The following DNER variants were observed in gnomAD, a reference collection of about 807,000 sequenced individuals.
DNER encodes the protein delta/notch like EGF repeat containing.
Under a neutral mutation model 78.2 loss-of-function variants are expected in DNER, and 33 were observed. That is an observed-to-expected ratio of 0.42 (90% confidence interval 0.32 to 0.56). The LOEUF is 0.56. DNER is among the 20% of genes least tolerant of loss of function. The pLI, the probability that DNER is intolerant of heterozygous loss-of-function variation, is 0.11. For missense variants in DNER, 918 were observed against 975.3 expected, an observed-to-expected ratio of 0.94 and a Z score of 0.78; for synonymous variants, 417 against 384.8, an observed-to-expected ratio of 1.08 and a Z score of -0.98.
chr2:229,517,786 G>T (rs1483866782), intron 5 of DNER, among the ~76,000 whole-genome samples: 1 of 152,172 alleles, frequency 6.6e-6, no homozygotes, highest in Non-Finnish European at 1.5e-5. Flanking sequence ...TAGAGTTCAA[G>T]GATGCTGCTA....
At chr2:229,639,198 T>C (rs1021043476) in intron 1 of DNER, among the ~76,000 whole-genome samples, 4 of 152,114 alleles carry the variant, frequency 2.6e-5, no homozygotes, top group Non-Finnish European at 2.9e-5. Context: ...AATGAGAAAA[T>C]AGGGTTTTTT....
chr2:229,520,607 T>C lies in DNER; in HGVS notation c.994-7671A>G, dbSNP rs148783330. On this transcript the variant is annotated intron_variant, in intron 5 of 12. Transcript: ENST00000341772. ...TATATATGTTTGAGATTTTCCATAA[T>C]AAAACAAACATTTTTTTTTAATTTT... is the stretch of plus-strand genomic sequence containing the variant. Among the ~76,000 whole-genome samples, 30 of 152,316 alleles carry C rather than the reference T, an allele frequency of 2.0e-4. No individual in the cohort carries two copies. The East Asian group carries it at 5.0e-3, about 25-fold the overall frequency.
At chr2:229,686,005 G>T (rs1699476182) in intron 1 of DNER, among the ~76,000 whole-genome samples, 1 of 152,116 alleles carries the variant, frequency 6.6e-6, no homozygotes, top group Non-Finnish European at 1.5e-5. Context: ...GACAGGATGT[G>T]CAAAGGGCCT....
chr2:229,676,367 C>T (rs182659336), intron 1 of DNER, among the ~76,000 whole-genome samples: 1 of 152,194 alleles, frequency 6.6e-6, no homozygotes, highest in African/African-American at 2.4e-5. Flanking sequence ...AGCATACTCA[C>T]CTGCTCCAAA....
chr2:229,611,958 T>C (rs1430016141), intron 1 of DNER, among the ~76,000 whole-genome samples: 1 of 152,244 alleles, frequency 6.6e-6, no homozygotes, highest in Non-Finnish European at 1.5e-5. Flanking sequence ...TTTGCATTGG[T>C]AGCCTGTCAC....
chr2:229,694,571 T>C (rs1407171737), intron 1 of DNER, among the ~76,000 whole-genome samples: 1 of 152,254 alleles, frequency 6.6e-6, no homozygotes, highest in African/African-American at 2.4e-5. Flanking sequence ...GACCTGGATG[T>C]GAGACCTGGA....
intron 1 of DNER, among the ~76,000 whole-genome samples, chr2:229,629,901 G>A (rs1460871228): frequency 6.6e-6 from 1 of 152,158 alleles, no homozygotes; most frequent in Non-Finnish European, 1.5e-5. Context: ...CAGAAAGGGT[G>A]ACCAAGAAGC....
chr2:229,416,065 G>T (rs2106348140), intron 9 of DNER, among the ~76,000 whole-genome samples: 1 of 152,212 alleles, frequency 6.6e-6, no homozygotes, highest in South Asian at 2.1e-4. Context: ...CTCCTTCTAG[G>T]AGTTAGTTAA....
chr2:229,526,057 TA>T (rs942986386), intron 5 of DNER, among the ~76,000 whole-genome samples: 18 of 152,188 alleles, frequency 1.2e-4, no homozygotes, highest in African/African-American at 4.1e-4. Context: ...TTCTCCAGAT[TA>T]ATTAGAAAAA....
chr2:229,658,780 C>T (rs750547750), intron 1 of DNER, among the ~76,000 whole-genome samples: 1 of 152,110 alleles, frequency 6.6e-6, no homozygotes, highest in Non-Finnish European at 1.5e-5. Flanking sequence ...TAGATTTCGA[C>T]ATGATTTTAA....
chr2:229,632,809 T>C (rs1274308310), intron 1 of DNER, among the ~76,000 whole-genome samples: 1 of 152,076 alleles, frequency 6.6e-6, no homozygotes, highest in African/African-American at 2.4e-5. Flanking sequence ...TAAGAAAATA[T>C]TAGGCCCAAA....
intron 1 of DNER, among the ~76,000 whole-genome samples, chr2:229,630,530 C>T (rs1698417580): frequency 6.8e-6 from 1 of 146,948 alleles, no homozygotes; most frequent in Admixed American, 6.8e-5. Context: ...ATAAAATCTT[C>T]TGGCAGATGT....
chr2:229,702,080 TGGAACCCA>T (rs1430526942), intron 1 of DNER: 1 of 173,894 alleles, frequency 5.8e-6, no homozygotes, highest in Non-Finnish European at 1.3e-5. Context: ...TGCTTAACCA[TGGAACCCA>T]GGAAAAACTG....
chr2:229,575,818 TG>T (rs1188879532), intron 4 of DNER, among the ~76,000 whole-genome samples: 1 of 152,220 alleles, frequency 6.6e-6, no homozygotes, highest in Non-Finnish European at 1.5e-5. Context: ...AAATAGGGCA[TG>T]GAGTTCAGGC....
chr2:229,575,312 T>C (rs1425408655), intron 4 of DNER, among the ~76,000 whole-genome samples: 2 of 152,194 alleles, frequency 1.3e-5, no homozygotes, highest in Admixed American at 6.5e-5. Context: ...AATTGTAGAA[T>C]ATCTGCAACT....
intron 1 of DNER, among the ~76,000 whole-genome samples, chr2:229,634,701 C>A (rs934846185): frequency 3.3e-5 from 5 of 152,138 alleles, no homozygotes; most frequent in African/African-American, 1.2e-4. Flanking sequence ...GGGAATTGCC[C>A]GTCTTTTCTG....
At chr2:229,416,294 T>G (rs1693650643) in intron 9 of DNER, among the ~76,000 whole-genome samples, 1 of 152,232 alleles carries the variant, frequency 6.6e-6, no homozygotes, top group Non-Finnish European at 1.5e-5. Flanking sequence ...TCTTGAGTGT[T>G]TAGAGCTGTT....
At chr2:229,500,864 C>T (rs148172899) in intron 6 of DNER, among the ~76,000 whole-genome samples, 1 of 152,254 alleles carries the variant, frequency 6.6e-6, no homozygotes, top group East Asian at 1.9e-4. Flanking sequence ...GCCCTTTCCA[C>T]CGAGTCCCCA....
intron 2 of DNER, 106 bp from the exon 3 acceptor site, chr2:229,588,594 T>C: frequency 4.4e-6 from 4 of 903,236 alleles, no homozygotes; most frequent in Non-Finnish European, 6.9e-6. Flanking sequence ...CTTTTGATGA[T>C]GCGGGGGTAG....
Sources: allele counts gnomAD v4.1 joint callset (sites outside exome capture counted in the v4.1 genomes callset), GRCh38; gene constraint gnomAD v4.1.1; transcripts MANE v1.5; gene names NCBI Gene and HGNC (gene_info 2026-07-23, HGNC 2026-07-21).